The following EXT1 variants were observed in gnomAD, a reference collection of about 807,000 sequenced individuals.
EXT1 encodes exostosin-1.
In EXT1, 20 loss-of-function variants were observed where a neutral mutation model predicts 82.5. The observed-to-expected ratio is 0.24, with a 90% CI of 0.17 to 0.35. EXT1 has a LOEUF of 0.35. Among genes scored for constraint, EXT1 ranks in the 10% least tolerant of loss-of-function variants. EXT1 has a pLI of 1.00. For synonymous variants in EXT1, 348 were observed against 350.8 expected (o/e 0.99, Z 0.09); for missense variants, 757 against 936.5 (o/e 0.81, Z 2.50).
intron 1 of EXT1, among the ~76,000 whole-genome samples, chr8:117,937,634 T>C (rs1814192824): frequency 6.6e-6 from 1 of 152,264 alleles, no homozygotes; most frequent in African/African-American, 2.4e-5. Context: ...GCTGTTCACA[T>C]ACAATAAAGA....
intron 1 of EXT1, among the ~76,000 whole-genome samples, chr8:117,851,229 G>C (rs1812447108): frequency 6.6e-6 from 1 of 152,026 alleles, no homozygotes; most frequent in South Asian, 2.1e-4. Flanking sequence ...GAGAGGTCAA[G>C]TAACTTACCC....
chr8:118,088,795 A>G (rs1470466951), intron 1 of EXT1, among the ~76,000 whole-genome samples: 1 of 151,824 alleles, frequency 6.6e-6, no homozygotes, highest in African/African-American at 2.4e-5. Flanking sequence ...GCCAGTTATG[A>G]GCTGTACTCA....
At chr8:118,015,007 A>C (rs1815975901) in intron 1 of EXT1, among the ~76,000 whole-genome samples, 1 of 152,234 alleles carries the variant, frequency 6.6e-6, no homozygotes, top group Non-Finnish European at 1.5e-5. Context: ...TCCAATTTAA[A>C]GACCATACAT....
At chr8:117,860,937 G>A (rs779355237) in intron 1 of EXT1, among the ~76,000 whole-genome samples, 3 of 152,300 alleles carry the variant, frequency 2.0e-5, no homozygotes, top group Admixed American at 6.5e-5. Context: ...TTTCTTAGTC[G>A]AAATAAGCAG....
chr8:117,822,023 T>C (rs1811933001), intron 5 of EXT1, among the ~76,000 whole-genome samples: 1 of 152,204 alleles, frequency 6.6e-6, no homozygotes, highest in Admixed American at 6.5e-5. Flanking sequence ...AATGAATAAA[T>C]TTGTGCTTGT....
chr8:118,038,416 T>C (rs1341588558), intron 1 of EXT1, among the ~76,000 whole-genome samples: 4 of 152,212 alleles, frequency 2.6e-5, no homozygotes, highest in African/African-American at 9.6e-5. Context: ...AGAATCCCTG[T>C]AGAGTCCAAT....
chr8:118,006,872 G>A (rs1336507423), intron 1 of EXT1, among the ~76,000 whole-genome samples: 1 of 152,198 alleles, frequency 6.6e-6, no homozygotes, highest in Non-Finnish European at 1.5e-5. Context: ...TAGCTCTGGA[G>A]GACCGTGGCC....
At chr8:117,841,099 A>T (rs1812268030) in intron 1 of EXT1, among the ~76,000 whole-genome samples, 1 of 152,220 alleles carries the variant, frequency 6.6e-6, no homozygotes, top group African/African-American at 2.4e-5. Flanking sequence ...ACTTATTTTC[A>T]CGCAGAAACT....
intron 1 of EXT1, among the ~76,000 whole-genome samples, chr8:118,106,218 T>C (rs1255209899): frequency 6.6e-6 from 1 of 152,236 alleles, no homozygotes; most frequent in Non-Finnish European, 1.5e-5. Flanking sequence ...TTTCATCAGA[T>C]TACTGAAGAA....
intron 1 of EXT1, among the ~76,000 whole-genome samples, chr8:117,914,476 T>C (rs532990764): frequency 8.1e-4 from 124 of 152,234 alleles, no homozygotes; most frequent in Admixed American, 1.6e-3. Flanking sequence ...GCCTGCGGGG[T>C]TGGGCAAAAA....
At chr8:117,967,429 A>C (rs1231649952) in intron 1 of EXT1, among the ~76,000 whole-genome samples, 1 of 152,242 alleles carries the variant, frequency 6.6e-6, no homozygotes, top group East Asian at 1.9e-4. Context: ...AAAAGCAGTC[A>C]TTAAATATTT....
At chr8:117,901,001 A>G (rs1168714945) in intron 1 of EXT1, among the ~76,000 whole-genome samples, 1 of 152,240 alleles carries the variant, frequency 6.6e-6, no homozygotes, top group Non-Finnish European at 1.5e-5. Context: ...TCTTACATGA[A>G]GCAGAGAGGA....
intron 1 of EXT1, among the ~76,000 whole-genome samples, chr8:117,957,729 C>CT (rs1260964482): frequency 1.3e-5 from 2 of 152,176 alleles, no homozygotes; most frequent in Non-Finnish European, 2.9e-5. Context: ...ACGTTTTGTA[C>CT]TTTAAGAAAA....
At chr8:117,884,956 C>A (rs895612344) in intron 1 of EXT1, among the ~76,000 whole-genome samples, 1 of 152,180 alleles carries the variant, frequency 6.6e-6, no homozygotes, top group African/African-American at 2.4e-5. Flanking sequence ...GATCGAAATA[C>A]AACATAAAAG....
chr8:117,860,990 T>C (rs1372484893), intron 1 of EXT1, among the ~76,000 whole-genome samples: 2 of 152,246 alleles, frequency 1.3e-5, no homozygotes, highest in Non-Finnish European at 2.9e-5. Context: ...GACTTTAATA[T>C]GAAATGTTTT....
chr8:117,888,719 C>T (rs1173397720), intron 1 of EXT1, among the ~76,000 whole-genome samples: 1 of 152,184 alleles, frequency 6.6e-6, no homozygotes, highest in Admixed American at 6.5e-5. Flanking sequence ...TCTGCTTATT[C>T]AAGATCTGTT....
intron 1 of EXT1, among the ~76,000 whole-genome samples, chr8:117,908,941 T>C (rs1813592388): frequency 1.3e-5 from 2 of 151,802 alleles, no homozygotes; most frequent in Non-Finnish European, 2.9e-5. Context: ...CTGGGCAACA[T>C]GGTGAAACCT....
At chr8:117,943,962 C>T (rs554254057) in intron 1 of EXT1, among the ~76,000 whole-genome samples, 7 of 152,306 alleles carry the variant, frequency 4.6e-5, no homozygotes, top group South Asian at 4.1e-4. Context: ...CCTCTGTATG[C>T]GCCATAGGCT....
At chr8:117,849,058 A>G (rs767414785) in intron 1 of EXT1, among the ~76,000 whole-genome samples, 2 of 152,214 alleles carry the variant, frequency 1.3e-5, no homozygotes, top group East Asian at 1.9e-4. Flanking sequence ...ATTTCTTGAC[A>G]GAGAATGCTA....
Sources: allele counts gnomAD v4.1 joint callset (sites outside exome capture counted in the v4.1 genomes callset), GRCh38; gene constraint gnomAD v4.1.1; transcripts MANE v1.5; gene names NCBI Gene and HGNC (gene_info 2026-07-23, HGNC 2026-07-21).